The following AGO4 variants were observed in gnomAD, a reference collection of about 807,000 sequenced individuals.
AGO4 encodes the protein argonaute RISC component 4.
AGO4 carries 33 observed loss-of-function variants against 104.7 expected under a neutral mutation model. That is an observed-to-expected ratio of 0.32 (90% confidence interval 0.24 to 0.42). AGO4 has a LOEUF of 0.42. Ranked by LOEUF, AGO4 falls within the 10% of genes least tolerant of loss-of-function variation. AGO4 has a pLI of 1.00. For synonymous variants in AGO4, 331 were observed against 364.7 expected, an observed-to-expected ratio of 0.91 and a Z score of 1.05; for missense variants, 711 against 1,083.4, an observed-to-expected ratio of 0.66 and a Z score of 4.83.
chr1:35,808,426 C>T lies in AGO4; in HGVS notation c.10C>T (p.Leu4=), dbSNP rs111333297. The T allele has an allele frequency of 0.024, 27,462 of 1,167,546 alleles. 340 individuals are homozygous for T. The highest frequency in any genetic ancestry group is 0.027 in the Non-Finnish European group (25,287 of 947,000). The allele number at this position is 1,167,546 out of a possible 1,614,324, so 72.3% of individuals were successfully genotyped here. A position where few individuals can be genotyped will look rare whatever the true frequency, so the allele number is the denominator to read the frequency against. The stretch of plus-strand genomic sequence containing the variant: ...GGCCCCCGCCGCCGCCATGGAGGCG[C>T]TGGGACCCGGTGAGGAGCGAGCTCG... MEA[L]GPGPPASLFQ... is the part of the protein sequence containing the mutation. The change falls in exon 1 of 18, where the codon CTG becomes TTG. Residue 4 remains leucine, a synonymous_variant. Transcript: ENST00000373210. This position sits in a 1 kb window ranked among gnomAD's most constrained non-coding sequence, Gnocchi z 5.2.
At chr1:35,839,837 T>G (rs1018655648) in intron 13 of AGO4, among the ~76,000 whole-genome samples, 2 of 151,754 alleles carry the variant, frequency 1.3e-5, no homozygotes, top group African/African-American at 4.8e-5. Context: ...AATCCTACCT[T>G]TAAGAATTTA....
rs569995605 is a variant in AGO4 at position 35,835,835 on chromosome 1, G to A, written c.1566G>A (p.Ala522=). 60 of 1,588,314 alleles carry A rather than the reference G, an allele frequency of 3.8e-5. No homozygotes were observed. Among genetic ancestry groups the A allele is most frequent in the Admixed American group, 1.2e-4 (6 of 51,988 alleles). ...AAAATTAATAAATTATTTTTGTAGC[G>A]GAGGTGAAACGTGTTGGAGATACCC... ...VILPGKTPVY[A]EVKRVGDTLL... is the part of the protein sequence containing the mutation. Residue 522 remains alanine, a splice_region_variant and synonymous_variant, in exon 13 of 18, where the codon GCG becomes GCA. Transcript: ENST00000373210.
chr1:35,842,374 C>CA (rs1176395561), intron 15 of AGO4, among the ~76,000 whole-genome samples: 1 of 152,076 alleles, frequency 6.6e-6, no homozygotes, highest in Non-Finnish European at 1.5e-5. Flanking sequence ...TCCTTGCTGC[C>CA]AAAAAAGTTG....
chr1:35,827,537 A>C (rs1644055764), intron 7 of AGO4, among the ~76,000 whole-genome samples: 1 of 152,094 alleles, frequency 6.6e-6, no homozygotes, highest in African/African-American at 2.4e-5. Flanking sequence ...AAAAAGAAAG[A>C]AATTGGTTAT....
rs1643850742 is a variant in AGO4 at position 35,819,817 on chromosome 1, G to A, written c.185+2770G>A. ...TGAGTCTTAAAAAAAAAAAAAAAAG[G>A]AGGTTGAATACAGTATTAAGGTTGG... On this transcript the variant is annotated intron_variant, in intron 2 of 17. Coordinates refer to ENST00000373210, the MANE Select transcript of AGO4 (RefSeq NM_017629.4). Among the ~76,000 whole-genome samples, 5 of 150,806 alleles carry A rather than the reference G, an allele frequency of 3.3e-5. No homozygotes were observed. The South Asian group carries it at 1.0e-3, about 32-fold the overall frequency.
In AGO4 at chr1:35,832,418, CTTTT is replaced by C; in HGVS notation, c.1246-9_1246-6del. ...TTTGTTTCTTCTTCTTCTTCTTCTTCTTTTTTTTTTTTTCAAAGAATAAAACAGT... is the reference window on the plus strand; with the variant it reads ...TTTGTTTCTTCTTCTTCTTCTTCTTCTTTTTTTTTCAAAGAATAAAACAGT... On this transcript the variant is annotated splice_polypyrimidine_tract_variant and intron_variant, in intron 10 of 17. Coordinates refer to ENST00000373210, the MANE Select transcript of AGO4 (RefSeq NM_017629.4). 2 of 1,152,158 alleles carry C rather than the reference CTTTT, an allele frequency of 1.7e-6. No individual in the cohort carries two copies. Among genetic ancestry groups the C allele is most frequent in the Non-Finnish European group, 2.4e-6 (2 of 845,800 alleles). The allele number at this position is 1,152,158 out of a possible 1,614,324, so 71.4% of individuals were successfully genotyped here.
chr1:35,855,635 A>G lies in AGO4; in HGVS notation c.*2030A>G, dbSNP rs1394492796. 1 of 150,940 alleles carries G rather than the reference A, an allele frequency of 6.6e-6. No individual in the cohort carries two copies. Among genetic ancestry groups the G allele is most frequent in the Admixed American group, 6.6e-5 (1 of 15,146 alleles). The allele number at this position is 150,940 out of a possible 1,614,324, so 9.4% of individuals were successfully genotyped here. A position where few individuals can be genotyped will look rare whatever the true frequency, so the allele number is the denominator to read the frequency against. On this transcript the variant is annotated 3_prime_UTR_variant, in exon 18 of 18. Coordinates refer to ENST00000373210, the MANE Select transcript of AGO4 (RefSeq NM_017629.4). The stretch of plus-strand genomic sequence containing the variant: ...CAGGAGTGAAGAGATGGCAGATGTT[A>G]ATTTCTTAAAATTTTCCTTTTTTTT...
At chr1:35,814,787 T>C (rs1005808708) in intron 1 of AGO4, among the ~76,000 whole-genome samples, 4 of 152,228 alleles carry the variant, frequency 2.6e-5, no homozygotes, top group Admixed American at 2.0e-4. Flanking sequence ...TGATTTTTAA[T>C]ACTTTAAGTG....
intron 12 of AGO4, among the ~76,000 whole-genome samples, 164 bp downstream of exon 12, chr1:35,834,338 C>T (rs1309326117): frequency 6.6e-6 from 1 of 152,212 alleles, no homozygotes; most frequent in South Asian, 2.1e-4. Context: ...AGGTAGACTG[C>T]GGCTTCTGCT....
intron 3 of AGO4, among the ~76,000 whole-genome samples, chr1:35,824,032 C>G (rs940040663): frequency 5.3e-5 from 8 of 152,140 alleles, no homozygotes; most frequent in African/African-American, 1.9e-4. Context: ...TGTACTTTAA[C>G]AAAGTACTAC....
At chr1:35,809,438 C>T (rs1643427162) in intron 1 of AGO4, among the ~76,000 whole-genome samples, 2 of 152,158 alleles carry the variant, frequency 1.3e-5, no homozygotes, top group Non-Finnish European at 2.9e-5. Flanking sequence ...GTAGAAAATT[C>T]GAGTTGCCAT....
intron 7 of AGO4, 76 bp downstream of exon 7, chr1:35,826,911 T>C (rs1571275677): frequency 6.7e-7 from 1 of 1,489,218 alleles, no homozygotes; most frequent in Non-Finnish European, 9.2e-7. Context: ...TTTTAAGAAA[T>C]TGGTTATTGG....
intron 2 of AGO4, among the ~76,000 whole-genome samples, chr1:35,818,656 A>AG (rs1396355598): frequency 0.019 from 2,369 of 124,590 alleles, 25 homozygotes; most frequent in African/African-American, 0.023. Flanking sequence ...AAAGAAAGAA[A>AG]GAAAGGAAGA....
At chr1:35,833,083 A>G (rs1469258377) in intron 11 of AGO4, among the ~76,000 whole-genome samples, 1 of 152,068 alleles carries the variant, frequency 6.6e-6, no homozygotes, top group Non-Finnish European at 1.5e-5. Context: ...GATCGAGATC[A>G]TCCTGGCCAA....
At chr1:35,832,596 A>T in intron 11 of AGO4, 26 bp downstream of exon 11, 3 of 1,609,458 alleles carry the variant, frequency 1.9e-6, no homozygotes, top group Non-Finnish European at 2.5e-6. Flanking sequence ...TTTTCAGCTT[A>T]GTAATATCCC....
chr1:35,827,493 C>A (rs1310880136), intron 7 of AGO4, among the ~76,000 whole-genome samples: 1 of 152,080 alleles, frequency 6.6e-6, no homozygotes, highest in Non-Finnish European at 1.5e-5. Context: ...GTACTCCAGC[C>A]TGGGTGACAG....
In AGO4 at chr1:35,856,233, G is replaced by A. The variant is rs934817846; in HGVS notation, c.*2628G>A. On this transcript the variant is annotated 3_prime_UTR_variant, in exon 18 of 18. Coordinates refer to ENST00000373210, the MANE Select transcript of AGO4 (RefSeq NM_017629.4). ...CTGGGATTATTGGCAAAAACTTGCT[G>A]AGGGGTGAATCTTTAGAGCTAATCA... 1 of 152,240 alleles carries A rather than the reference G, an allele frequency of 6.6e-6. No homozygotes were observed. The highest frequency in any genetic ancestry group is 1.5e-5 in the Non-Finnish European group (1 of 68,046). 9.4% of individuals were successfully genotyped at this position (152,240 alleles called of 1,614,324 possible).
chr1:35,819,636 G>A (rs1353458315), intron 2 of AGO4, among the ~76,000 whole-genome samples: 1 of 151,578 alleles, frequency 6.6e-6, no homozygotes, highest in Non-Finnish European at 1.5e-5. Context: ...GGGAGGCTGA[G>A]GCAGAAGAAT....
intron 13 of AGO4, among the ~76,000 whole-genome samples, chr1:35,838,203 C>T (rs1362798855): frequency 6.6e-6 from 1 of 152,174 alleles, no homozygotes; most frequent in Admixed American, 6.5e-5. Flanking sequence ...CAGGCTCATG[C>T]CACCATACTC....
Sources: allele counts gnomAD v4.1 joint callset (sites outside exome capture counted in the v4.1 genomes callset), GRCh38; gene constraint gnomAD v4.1.1; non-coding constraint Gnocchi (gnomAD v3.1); transcripts MANE v1.5; gene names NCBI Gene and HGNC (gene_info 2026-07-23, HGNC 2026-07-21).